Variants in MAPK1IP1L observed in about 807,000 individuals in gnomAD.
MAPK1IP1L encodes the protein MAPK-interacting and spindle-stabilizing protein-like.
In MAPK1IP1L, 10 loss-of-function variants were observed where a neutral mutation model predicts 18.1. The observed-to-expected ratio is 0.55, with a 90% CI of 0.34 to 0.94. The LOEUF is 0.94. Among genes scored for constraint, MAPK1IP1L ranks in the 40% least tolerant of loss-of-function variants. The probability of loss-of-function intolerance (pLI) is 0.02; values close to 1 mark genes in which losing one functional copy is unlikely to be tolerated. For missense variants in MAPK1IP1L, 260 were observed against 318.2 expected, an observed-to-expected ratio of 0.82 and a Z score of 1.39; for synonymous variants, 115 against 117.3, an observed-to-expected ratio of 0.98 and a Z score of 0.13.
rs1594628860 is a variant in MAPK1IP1L at position 55,067,194 on chromosome 14, A to C, written c.*2567A>C. On this transcript the variant is annotated 3_prime_UTR_variant, in exon 4 of 4. Transcript: ENST00000395468. ...GCTGGGATTACAGGCGTGAGCCACC[A>C]CGTCCGGCCGATTTTTTTTTTTTTT... 2 of 127,168 alleles carry C rather than the reference A, an allele frequency of 1.6e-5. No homozygotes were observed. The highest frequency in any genetic ancestry group is 1.6e-5 in the Non-Finnish European group (1 of 62,714). The allele number at this position is 127,168 out of a possible 1,614,324, so 7.9% of individuals were successfully genotyped here.
Position 55,051,668 on chromosome 14 carries a change from AG to A in MAPK1IP1L, c.-138del, listed in dbSNP as rs1566760552. ...CGGCGCTTCCTGTTCCGGCGCCAGGAGGAGCCGCGCGCTGCTGGTGCTGTTG... is the reference window on the plus strand; with the variant it reads ...CGGCGCTTCCTGTTCCGGCGCCAGGAGAGCCGCGCGCTGCTGGTGCTGTTG... On this transcript the variant is annotated 5_prime_UTR_variant, in exon 1 of 4. Transcript: ENST00000395468. The A allele has an allele frequency of 1.9e-6, 1 of 514,334 alleles. No individual in the cohort carries two copies. Among genetic ancestry groups the A allele is most frequent in the African/African-American group, 1.9e-5 (1 of 51,368 alleles). The allele number at this position is 514,334 out of a possible 1,614,324, so 31.9% of individuals were successfully genotyped here.
At chr14:55,062,111 C>A (rs1397532835) in intron 2 of MAPK1IP1L, among the ~76,000 whole-genome samples, 1 of 152,124 alleles carries the variant, frequency 6.6e-6, no homozygotes, top group Non-Finnish European at 1.5e-5. Flanking sequence ...TTCTGTTGTT[C>A]TCTTTTACCC....
At chr14:55,052,028 A>G (rs1301501191) in intron 1 of MAPK1IP1L, among the ~76,000 whole-genome samples, 1 of 151,808 alleles carries the variant, frequency 6.6e-6, no homozygotes, top group Non-Finnish European at 1.5e-5. Flanking sequence ...CCCAGGGAGA[A>G]GGTGTCGGAG....
intron 1 of MAPK1IP1L, among the ~76,000 whole-genome samples, chr14:55,057,121 T>C (rs2140258121): frequency 6.6e-6 from 1 of 152,236 alleles, no homozygotes. Flanking sequence ...AATCTCAAAC[T>C]AAAAATGGGA....
At chr14:55,059,029 TG>T (rs2042793209) in intron 1 of MAPK1IP1L, among the ~76,000 whole-genome samples, 1 of 151,804 alleles carries the variant, frequency 6.6e-6, no homozygotes. Context: ...TGAGTATCTA[TG>T]GGGGTCCTAG....
At position 55,058,313 on chromosome 14, in the gene MAPK1IP1L, C is replaced by T. The variant is rs186642416; in HGVS notation, c.-4-3367C>T. 4.6e-5 allele frequency among the ~76,000 whole-genome samples: 7 copies of T among 152,154 alleles called. No homozygotes were observed. The South Asian group carries it at 1.0e-3, about 22-fold the overall frequency. The stretch of plus-strand genomic sequence containing the variant: ...TATAACAAAACAAAGTTGAATGAAA[C>T]GTCTTTCGAGGACCTGCTATAGACT... On this transcript the variant is annotated intron_variant, in intron 1 of 3. Transcript: ENST00000395468.
rs745962753 is a variant in MAPK1IP1L, at chr14:55,051,737, C to T, written c.-71C>T. The T allele has an allele frequency of 1.9e-6, 1 of 516,176 alleles. No individual in the cohort carries two copies. The highest frequency in any genetic ancestry group is 3.9e-6 in the Non-Finnish European group (1 of 259,402). 32.0% of individuals were successfully genotyped at this position (516,176 alleles called of 1,614,324 possible). A position where few individuals can be genotyped will look rare whatever the true frequency, so the allele number is the denominator to read the frequency against. ...GCCGTCAGTCAGGCTGCGCCCGCGT[C>T]TTCAGGGCCCAGTCCCTCGGACCCA... is the stretch of plus-strand genomic sequence containing the variant. On this transcript the variant is annotated 5_prime_UTR_variant, in exon 1 of 4. Transcript: ENST00000395468.
At chr14:55,052,816 A>G (rs1219431756) in intron 1 of MAPK1IP1L, among the ~76,000 whole-genome samples, 3 of 152,214 alleles carry the variant, frequency 2.0e-5, no homozygotes, top group Non-Finnish European at 2.9e-5. Context: ...TGAATTGCAA[A>G]TATTGGAATG....
chr14:55,051,827 G>A (rs2042730944), intron 1 of MAPK1IP1L, 24 bp downstream of exon 1: 1 of 471,326 alleles, frequency 2.1e-6, no homozygotes, highest in Non-Finnish European at 4.3e-6. Context: ...GGTACTAGTG[G>A]GAGTCGTGAA....
intron 1 of MAPK1IP1L, among the ~76,000 whole-genome samples, chr14:55,054,909 A>G (rs1357472171): frequency 6.6e-6 from 1 of 152,238 alleles, no homozygotes; most frequent in Non-Finnish European, 1.5e-5. Flanking sequence ...TAAAATTACT[A>G]TTCTTGCTAT....
At position 55,051,709 on chromosome 14, in the gene MAPK1IP1L, G is replaced by T. The variant is rs186346895; in HGVS notation, c.-99G>T. 1.5e-5 allele frequency: 8 copies of T among 516,400 alleles called. No homozygotes were observed. Among genetic ancestry groups the T allele is most frequent in the Non-Finnish European group, 1.9e-5 (5 of 259,554 alleles). The allele number at this position is 516,400 out of a possible 1,614,324, so 32.0% of individuals were successfully genotyped here. ...TGGTGCTGTTGCCGCCGCTGCTCTA[G>T]CTGCCGTCAGTCAGGCTGCGCCCGC... is the stretch of plus-strand genomic sequence containing the variant. On this transcript the variant is annotated 5_prime_UTR_variant, in exon 1 of 4. Coordinates refer to ENST00000395468, the MANE Select transcript of MAPK1IP1L (RefSeq NM_144578.4).
chr14:55,061,653 C>A, intron 1 of MAPK1IP1L, 27 bp from the exon 2 acceptor site: 1 of 1,360,772 alleles, frequency 7.3e-7, no homozygotes, highest in Non-Finnish European at 1.0e-6. Flanking sequence ...ATTTTTCTTT[C>A]TTCCTTCATT....
chr14:55,058,646 C>T (rs1015106278), intron 1 of MAPK1IP1L, among the ~76,000 whole-genome samples: 2 of 152,066 alleles, frequency 1.3e-5, no homozygotes, highest in Admixed American at 6.5e-5. Context: ...GCCTGGCCAA[C>T]GTGGTGAAAC....
chr14:55,064,628 G>T lies in MAPK1IP1L; in HGVS notation c.*1G>T. The T allele has an allele frequency of 6.2e-7, 1 of 1,612,592 alleles. No individual in the cohort carries two copies. The highest frequency in any genetic ancestry group is 8.5e-7 in the Non-Finnish European group (1 of 1,179,556). Reference sequence around the variant, plus strand: ...TTTTCTATTGCAGTCTTACCATTAAGTTAACAATGGACGAAGAGATGACGC... The same window carrying T: ...TTTTCTATTGCAGTCTTACCATTAATTTAACAATGGACGAAGAGATGACGC... On this transcript the variant is annotated 3_prime_UTR_variant, in exon 4 of 4. Coordinates refer to ENST00000395468, the MANE Select transcript of MAPK1IP1L (RefSeq NM_144578.4).
intron 1 of MAPK1IP1L, among the ~76,000 whole-genome samples, chr14:55,058,141 G>A (rs2042786369): frequency 6.6e-6 from 1 of 152,178 alleles, no homozygotes; most frequent in Non-Finnish European, 1.5e-5. Context: ...AGACTGGGCC[G>A]CGTAGACACA....
intron 1 of MAPK1IP1L, among the ~76,000 whole-genome samples, chr14:55,056,886 T>G (rs1426959505): frequency 6.6e-6 from 1 of 152,198 alleles, no homozygotes; most frequent in Non-Finnish European, 1.5e-5. Flanking sequence ...GTTCTTGTCC[T>G]TTCCTCATGA....
chr14:55,052,103 C>G (rs1213146049), intron 1 of MAPK1IP1L, among the ~76,000 whole-genome samples: 1 of 151,462 alleles, frequency 6.6e-6, no homozygotes, highest in Non-Finnish European at 1.5e-5. Context: ...CGGGGCGGGG[C>G]GGGCGCGGGC....
rs1233662746 is a variant in MAPK1IP1L, at chr14:55,066,543, A to ATAAAG, written c.*1920_*1924dup. On this transcript the variant is annotated 3_prime_UTR_variant, in exon 4 of 4. Coordinates refer to ENST00000395468, the MANE Select transcript of MAPK1IP1L (RefSeq NM_144578.4). Reference sequence around the variant, plus strand: ...CAAAATGTCAGTTAACCATGGAGGGATAAAGTAATGTGAAAAGTGAGATGG... The same window carrying ATAAAG: ...CAAAATGTCAGTTAACCATGGAGGGATAAAGTAAAGTAATGTGAAAAGTGAGATGG... 10 of 152,322 alleles carry ATAAAG rather than the reference A, an allele frequency of 6.6e-5. No individual in the cohort carries two copies. The highest frequency in any genetic ancestry group is 1.2e-4 in the Non-Finnish European group (8 of 68,038). 9.4% of individuals were successfully genotyped at this position (152,322 alleles called of 1,614,324 possible).
At position 55,066,649 on chromosome 14, in the gene MAPK1IP1L, C is replaced by T. The variant is rs529923151; in HGVS notation, c.*2022C>T. The T allele has an allele frequency of 2.6e-5, 4 of 152,290 alleles. No individual in the cohort carries two copies. In the East Asian group the frequency reaches 7.7e-4, roughly 29 times the overall value. The allele number at this position is 152,290 out of a possible 1,614,324, so 9.4% of individuals were successfully genotyped here. On this transcript the variant is annotated 3_prime_UTR_variant, in exon 4 of 4. Transcript: ENST00000395468. Reference sequence around the variant, plus strand: ...GACAAATTAGCAGTATTTAGTTTAACACTGGAGCAAATATAATTTGAGTAG... The same window carrying T: ...GACAAATTAGCAGTATTTAGTTTAATACTGGAGCAAATATAATTTGAGTAG...
Sources: gnomAD v4.1 joint callset for allele counts (sites outside exome capture counted in the v4.1 genomes callset) on GRCh38, gnomAD v4.1.1 for gene constraint, MANE v1.5 for transcripts, NCBI Gene and HGNC (gene_info 2026-07-23, HGNC 2026-07-21) for gene names.